Variants in C4orf33 observed in about 807,000 individuals in gnomAD.
C4orf33 encodes the protein chromosome 4 open reading frame 33, also known as UPF0462 protein C4orf33.
In C4orf33, 20 loss-of-function variants were observed where a neutral mutation model predicts 24.3. That is an observed-to-expected ratio of 0.82 (90% confidence interval 0.58 to 1.19). The LOEUF is 1.19. C4orf33 is among the 50% of genes most tolerant of loss of function. C4orf33 has a pLI of 0.00. For missense variants in C4orf33, 207 were observed against 225.9 expected (o/e 0.92, Z 0.54); for synonymous variants, 67 against 76.4 (o/e 0.88, Z 0.64).
In C4orf33 at chr4:129,113,474, A is replaced by T. The variant is rs568491332; in HGVS notation, c.*1683A>T. On this transcript the variant is annotated 3_prime_UTR_variant, in exon 6 of 6. Transcript: ENST00000425929. ...CTTTTATTTGAGAGTGGGTGTTTGT[A>T]ATAGCCATTTCAAATTTGTTTTTCA... is the stretch of plus-strand genomic sequence containing the variant. The T allele has an allele frequency of 6.6e-6, 1 of 152,352 alleles. No homozygotes were observed. The highest frequency in any genetic ancestry group is 2.4e-5 in the African/African-American group (1 of 41,586). The allele number at this position is 152,352 out of a possible 1,614,324, so 9.4% of individuals were successfully genotyped here. A position where few individuals can be genotyped will look rare whatever the true frequency, so the allele number is the denominator to read the frequency against.
intron 1 of C4orf33, among the ~76,000 whole-genome samples, chr4:129,099,131 G>T (rs895377641): frequency 6.6e-6 from 1 of 152,006 alleles, no homozygotes; most frequent in African/African-American, 2.4e-5. Flanking sequence ...GTTTTTATAT[G>T]ATTTTGATTT....
At position 129,116,477 on chromosome 4, in the gene C4orf33, T is replaced by G. The variant is rs747196889; in HGVS notation, c.*4686T>G. On this transcript the variant is annotated 3_prime_UTR_variant, in exon 6 of 6. Coordinates refer to ENST00000425929, the MANE Select transcript of C4orf33 (RefSeq NM_001099783.2). ...TGTAATTTCCGTTAAACAGCATTTCTGACTCAATAGTACACTGAAAGCCCA... is the reference window on the plus strand; with the variant it reads ...TGTAATTTCCGTTAAACAGCATTTCGGACTCAATAGTACACTGAAAGCCCA... The G allele has an allele frequency of 1.3e-5, 2 of 152,226 alleles. No homozygotes were observed. The highest frequency in any genetic ancestry group is 2.9e-5 in the Non-Finnish European group (2 of 68,040). The allele number at this position is 152,226 out of a possible 1,614,324, so 9.4% of individuals were successfully genotyped here. A position where few individuals can be genotyped will look rare whatever the true frequency, so the allele number is the denominator to read the frequency against.
Position 129,116,024 on chromosome 4 carries a change from A to G in C4orf33, c.*4233A>G, listed in dbSNP as rs1753772738. The stretch of plus-strand genomic sequence containing the variant: ...ATTGTAACTCTATTTTTTACCAACT[A>G]TCATTTTTCATGGAAGGAATAGTAA... On this transcript the variant is annotated 3_prime_UTR_variant, in exon 6 of 6. Transcript: ENST00000425929. 1 of 151,472 alleles carries G rather than the reference A, an allele frequency of 6.6e-6. No individual in the cohort carries two copies. Among genetic ancestry groups the G allele is most frequent in the Non-Finnish European group, 1.5e-5 (1 of 67,876 alleles). 9.4% of individuals were successfully genotyped at this position (151,472 alleles called of 1,614,324 possible).
At position 129,116,599 on chromosome 4, in the gene C4orf33, C is replaced by T. The variant is rs370995228; in HGVS notation, c.*4808C>T. On this transcript the variant is annotated 3_prime_UTR_variant, in exon 6 of 6. Transcript: ENST00000425929. Reference sequence around the variant, plus strand: ...AGAAAACCAAACTGTAAATTGAAGTCTGAGCATTCAGAGAAATAAAAATTA... The same window carrying T: ...AGAAAACCAAACTGTAAATTGAAGTTTGAGCATTCAGAGAAATAAAAATTA... 1.9e-4 allele frequency: 29 copies of T among 152,168 alleles called. No homozygotes were observed. The highest frequency in any genetic ancestry group is 6.3e-4 in the African/African-American group (26 of 41,522). 9.4% of individuals were successfully genotyped at this position (152,168 alleles called of 1,614,324 possible).
rs780469262 is a variant in C4orf33 at position 129,102,796 on chromosome 4, G to A, written c.181+5G>A. The A allele has an allele frequency of 6.2e-7, 1 of 1,606,086 alleles. No homozygotes were observed. Among genetic ancestry groups the A allele is most frequent in the African/African-American group, 1.3e-5 (1 of 74,360 alleles). On this transcript the variant is annotated splice_donor_5th_base_variant and intron_variant, in intron 2 of 5. Coordinates refer to ENST00000425929, the MANE Select transcript of C4orf33 (RefSeq NM_001099783.2). ...ATGAACTGTGGGATTATGAAGGTAA[G>A]TGGAAGTACTGTATTTTATTGCAAA... is the stretch of plus-strand genomic sequence containing the variant.
At chr4:129,101,695 A>G (rs1196363637) in intron 1 of C4orf33, among the ~76,000 whole-genome samples, 2 of 152,214 alleles carry the variant, frequency 1.3e-5, no homozygotes, top group Non-Finnish European at 2.9e-5. Context: ...TGCCCAATCC[A>G]TAGTATTCAA....
In C4orf33 at chr4:129,116,099, A is replaced by C. The variant is rs191641633; in HGVS notation, c.*4308A>C. The C allele has an allele frequency of 6.6e-6, 1 of 152,050 alleles. No individual in the cohort carries two copies. Among genetic ancestry groups the C allele is most frequent in the East Asian group, 1.9e-4 (1 of 5,184 alleles). The allele number at this position is 152,050 out of a possible 1,614,324, so 9.4% of individuals were successfully genotyped here. A position where few individuals can be genotyped will look rare whatever the true frequency, so the allele number is the denominator to read the frequency against. On this transcript the variant is annotated 3_prime_UTR_variant, in exon 6 of 6. Coordinates refer to ENST00000425929, the MANE Select transcript of C4orf33 (RefSeq NM_001099783.2). Reference sequence around the variant, plus strand: ...TGACACATGTATGAGGAATATAGGAAGCCAGAAATCATGAATCTATGAAAA... The same window carrying C: ...TGACACATGTATGAGGAATATAGGACGCCAGAAATCATGAATCTATGAAAA...
rs946330178 is a variant in C4orf33, at chr4:129,116,574, A to G, written c.*4783A>G. On this transcript the variant is annotated 3_prime_UTR_variant, in exon 6 of 6. Coordinates refer to ENST00000425929, the MANE Select transcript of C4orf33 (RefSeq NM_001099783.2). The stretch of plus-strand genomic sequence containing the variant: ...TTTGAAGAGATAGCTTTGCTGAAAT[A>G]GAAAACCAAACTGTAAATTGAAGTC... 6.6e-6 allele frequency: 1 copy of G among 152,268 alleles called. No individual in the cohort carries two copies. The highest frequency in any genetic ancestry group is 2.4e-5 in the African/African-American group (1 of 41,474). 9.4% of individuals were successfully genotyped at this position (152,268 alleles called of 1,614,324 possible).
intron 3 of C4orf33, 117 bp from the exon 4 acceptor site, chr4:129,109,190 C>T (rs746528111): frequency 8.2e-5 from 89 of 1,091,372 alleles, no homozygotes; most frequent in Non-Finnish European, 1.1e-4. Flanking sequence ...GCTCAGCCTG[C>T]ATCTTTTAAT....
rs1709418 is a variant in C4orf33 at position 129,115,832 on chromosome 4, A to C, written c.*4041A>C. The C allele has an allele frequency of 2.5e-5, 2 of 79,918 alleles. No homozygotes were observed. Among genetic ancestry groups the C allele is most frequent in the African/African-American group, 1.1e-4 (2 of 18,580 alleles). 5.0% of individuals were successfully genotyped at this position (79,918 alleles called of 1,614,324 possible). ...TATATATATATATATATATATATAA[A>C]ATATATATGTTTATATATAACATAT... On this transcript the variant is annotated 3_prime_UTR_variant, in exon 6 of 6. Coordinates refer to ENST00000425929, the MANE Select transcript of C4orf33 (RefSeq NM_001099783.2).
rs143543565 is a variant in C4orf33, at chr4:129,115,255, T to C, written c.*3464T>C. 26 of 152,338 alleles carry C rather than the reference T, an allele frequency of 1.7e-4. No homozygotes were observed. The East Asian group carries it at 2.7e-3, about 16-fold the overall frequency. The allele number at this position is 152,338 out of a possible 1,614,324, so 9.4% of individuals were successfully genotyped here. Reference sequence around the variant, plus strand: ...GCTCTGAGTGCTGCAAGGAGTGGACTGTATTTAATATCTCTTGTGTCCTAC... The same window carrying C: ...GCTCTGAGTGCTGCAAGGAGTGGACCGTATTTAATATCTCTTGTGTCCTAC... On this transcript the variant is annotated 3_prime_UTR_variant, in exon 6 of 6. Transcript: ENST00000425929.
chr4:129,097,284 T>C (rs1456102242), intron 1 of C4orf33, among the ~76,000 whole-genome samples: 1 of 152,220 alleles, frequency 6.6e-6, no homozygotes, highest in African/African-American at 2.4e-5. Flanking sequence ...AGATAGGTTT[T>C]TAAAAAGTGA....
intron 5 of C4orf33, 48 bp downstream of exon 5, chr4:129,109,720 C>A: frequency 1.3e-6 from 2 of 1,497,286 alleles, no homozygotes; most frequent in South Asian, 2.3e-5. Context: ...CGAGTTTTTT[C>A]GAAATTAATT....
In C4orf33 at chr4:129,113,347, A is replaced by G. The variant is rs950740027; in HGVS notation, c.*1556A>G. On this transcript the variant is annotated 3_prime_UTR_variant, in exon 6 of 6. Transcript: ENST00000425929. ...GCAAGCAAAAATACATTATATAAACATTTTCTTTTGAAAGGAACATGCATA... is the reference window on the plus strand; with the variant it reads ...GCAAGCAAAAATACATTATATAAACGTTTTCTTTTGAAAGGAACATGCATA... 1 of 152,076 alleles carries G rather than the reference A, an allele frequency of 6.6e-6. No homozygotes were observed. The highest frequency in any genetic ancestry group is 1.5e-5 in the Non-Finnish European group (1 of 68,020). The allele number at this position is 152,076 out of a possible 1,614,324, so 9.4% of individuals were successfully genotyped here.
At chr4:129,097,221 AACTGTT>A (rs1753233371) in intron 1 of C4orf33, among the ~76,000 whole-genome samples, 1 of 152,198 alleles carries the variant, frequency 6.6e-6, no homozygotes, top group African/African-American at 2.4e-5. Context: ...AATAATTTTA[AACTGTT>A]CAGTTACCTT....
intron 1 of C4orf33, chr4:129,100,622 G>A (rs1753324578): frequency 1.3e-5 from 2 of 152,294 alleles, no homozygotes; most frequent in South Asian, 4.1e-4. Context: ...GAAGTCCCTA[G>A]TGGAAACCCA....
chr4:129,106,659 A>G lies in C4orf33; in HGVS notation c.242+12A>G. ...GTTGAACTTTGTCCGTAAGTATAAA[A>G]TGTTTTTTCTTACTTATTACTACAT... On this transcript the variant is annotated intron_variant, in intron 3 of 5. Coordinates refer to ENST00000425929, the MANE Select transcript of C4orf33 (RefSeq NM_001099783.2). The G allele has an allele frequency of 7.1e-7, 1 of 1,402,802 alleles. No homozygotes were observed. Among genetic ancestry groups the G allele is most frequent in the Non-Finnish European group, 9.9e-7 (1 of 1,010,638 alleles). 86.9% of individuals were successfully genotyped at this position (1,402,802 alleles called of 1,614,324 possible).
chr4:129,106,465 C>T, intron 2 of C4orf33, 122 bp from the exon 3 acceptor site: 33 of 499,630 alleles, frequency 6.6e-5, no homozygotes, highest in South Asian at 2.0e-4. Flanking sequence ...GCTCTTTTTC[C>T]TATTGGGGAT....
intron 4 of C4orf33, 44 bp downstream of exon 4, chr4:129,109,402 A>G (rs2125804094): frequency 2.5e-6 from 4 of 1,595,094 alleles, no homozygotes; most frequent in Non-Finnish European, 3.4e-6. Flanking sequence ...CGTACACAGT[A>G]ATACACATAT....
Sources: gnomAD v4.1 joint callset for allele counts (sites outside exome capture counted in the v4.1 genomes callset) on GRCh38, gnomAD v4.1.1 for gene constraint, MANE v1.5 for transcripts, NCBI Gene and HGNC (gene_info 2026-07-23, HGNC 2026-07-21) for gene names.